Variants in CHL1 observed in about 807,000 individuals in gnomAD.
The protein encoded by CHL1 is neural cell adhesion molecule L1-like protein.
A neutral mutation model predicts 141.9 loss-of-function variants in CHL1; 96 were observed. The ratio of observed to expected loss-of-function variants is 0.68; its 90% CI spans 0.57 to 0.80. The LOEUF (loss-of-function observed/expected upper bound fraction) is 0.80, where lower values mean the gene tolerates loss of function less well. Among genes scored for constraint, CHL1 ranks in the 30% least tolerant of loss-of-function variants. The pLI, the probability that CHL1 is intolerant of heterozygous loss-of-function variation, is 0.00. For synonymous variants in CHL1, 613 were observed against 502.2 expected, an observed-to-expected ratio of 1.22 and a Z score of -2.95; for missense variants, 1,820 against 1,457.2, an observed-to-expected ratio of 1.25 and a Z score of -4.05.
chr3:380,113 C>A (rs1706852237), intron 16 of CHL1, among the ~76,000 whole-genome samples: 1 of 152,128 alleles, frequency 6.6e-6, no homozygotes, highest in African/African-American at 2.4e-5. Context: ...TTAGTTTATT[C>A]CAGGAAGCTT....
At chr3:393,058 C>T (rs1708368688) in intron 23 of CHL1, among the ~76,000 whole-genome samples, 1 of 151,870 alleles carries the variant, frequency 6.6e-6, no homozygotes, top group South Asian at 2.1e-4. Context: ...ACGGTGAAAC[C>T]CCGTCTCTAT....
chr3:249,643 C>T (rs1225454132), intron 2 of CHL1, among the ~76,000 whole-genome samples: 1 of 152,086 alleles, frequency 6.6e-6, no homozygotes, highest in South Asian at 2.1e-4. Flanking sequence ...ATTTGTAGCC[C>T]TTCAAATGCA....
At chr3:338,116 G>A (rs527657153) in intron 5 of CHL1, among the ~76,000 whole-genome samples, 7 of 152,122 alleles carry the variant, frequency 4.6e-5, no homozygotes, top group South Asian at 2.1e-4. Flanking sequence ...CGCCCACCTC[G>A]GCCTCCCAAA....
chr3:341,826 A>T (rs567173181), intron 6 of CHL1, 86 bp from the exon 7 acceptor site: 3 of 1,144,832 alleles, frequency 2.6e-6, no homozygotes, highest in African/African-American at 1.6e-5. Flanking sequence ...ACCAAATGAA[A>T]TAATAATGTA....
At chr3:242,368 G>A (rs193098643) in intron 1 of CHL1, among the ~76,000 whole-genome samples, 8,504 of 144,418 alleles carry the variant, frequency 0.059, 306 homozygotes, top group Middle Eastern at 0.068. Context: ...AGGCTGAGGG[G>A]GGCAGATCAC....
In CHL1 at chr3:196,923, G is replaced by C. The variant is rs1046459016; in HGVS notation, c.-315G>C. ...GGACAGCCCCGGGTGCGGACCAGCG[G>C]GCAGCGGCCGGCGAGACCCTCCCTG... On this transcript the variant is annotated 5_prime_UTR_variant, in exon 1 of 28. Coordinates refer to ENST00000256509, the MANE Select transcript of CHL1 (RefSeq NM_006614.4). 6.6e-6 allele frequency: 1 copy of C among 152,380 alleles called. No individual in the cohort carries two copies. Among genetic ancestry groups the C allele is most frequent in the African/African-American group, 2.4e-5 (1 of 41,462 alleles). The allele number at this position is 152,380 out of a possible 1,614,324, so 9.4% of individuals were successfully genotyped here.
chr3:236,121 T>C (rs566109629), intron 1 of CHL1, among the ~76,000 whole-genome samples: 1 of 152,276 alleles, frequency 6.6e-6, no homozygotes, highest in South Asian at 2.1e-4. Context: ...CAGCATTTGG[T>C]CTCAGGCCCT....
chr3:312,267 T>C (rs1266385390), intron 2 of CHL1, among the ~76,000 whole-genome samples: 2 of 152,220 alleles, frequency 1.3e-5, no homozygotes, highest in African/African-American at 4.8e-5. Context: ...GTACAAAATG[T>C]GCCAGCTCTG....
intron 5 of CHL1, among the ~76,000 whole-genome samples, chr3:334,087 G>T (rs981603079): frequency 2.6e-5 from 4 of 152,100 alleles, no homozygotes; most frequent in Non-Finnish European, 5.9e-5. Flanking sequence ...CTACCCAGTA[G>T]CTGGGACTAC....
At chr3:258,167 T>C (rs1235562938) in intron 2 of CHL1, among the ~76,000 whole-genome samples, 1 of 152,200 alleles carries the variant, frequency 6.6e-6, no homozygotes, top group Admixed American at 6.5e-5. Flanking sequence ...CCCATGGCTG[T>C]CTGTCCAGGC....
At chr3:305,824 TA>T (rs1699179667) in intron 2 of CHL1, among the ~76,000 whole-genome samples, 1 of 151,944 alleles carries the variant, frequency 6.6e-6, no homozygotes, top group Non-Finnish European at 1.5e-5. Context: ...CCTTTGCCAT[TA>T]TTTTCTGTTA....
At chr3:367,587 T>C (rs1366606328) in intron 15 of CHL1, among the ~76,000 whole-genome samples, 1 of 152,202 alleles carries the variant, frequency 6.6e-6, no homozygotes, top group African/African-American at 2.4e-5. Context: ...AACTGCACAG[T>C]CCATTTTTGC....
intron 2 of CHL1, among the ~76,000 whole-genome samples, chr3:265,477 G>T (rs1351253224): frequency 6.6e-6 from 1 of 152,192 alleles, no homozygotes; most frequent in Admixed American, 6.5e-5. Context: ...TAGTTTGCAA[G>T]TGAAAAACTG....
intron 1 of CHL1, among the ~76,000 whole-genome samples, chr3:216,174 A>G (rs1700302083): frequency 6.6e-6 from 1 of 152,212 alleles, no homozygotes. Flanking sequence ...AGTATTTTAA[A>G]GCTGATGTCT....
chr3:274,380 A>G (rs949284842), intron 2 of CHL1, among the ~76,000 whole-genome samples: 3 of 152,232 alleles, frequency 2.0e-5, no homozygotes, highest in South Asian at 2.1e-4. Flanking sequence ...TTTAATAGGA[A>G]TGTGTTTGCC....
chr3:259,314 G>C (rs1694483928), intron 2 of CHL1, among the ~76,000 whole-genome samples: 1 of 150,628 alleles, frequency 6.6e-6, no homozygotes, highest in Non-Finnish European at 1.5e-5. Context: ...TTGTGTGTGT[G>C]TGTGCATGCG....
chr3:313,946 A>G (rs1043530035), intron 2 of CHL1, among the ~76,000 whole-genome samples: 1 of 152,192 alleles, frequency 6.6e-6, no homozygotes, highest in African/African-American at 2.4e-5. Context: ...AGAAAGAAAA[A>G]GCAATGAGTT....
At chr3:332,863 G>A (rs1463311300) in intron 5 of CHL1, among the ~76,000 whole-genome samples, 2 of 152,106 alleles carry the variant, frequency 1.3e-5, no homozygotes, top group Admixed American at 6.6e-5. Context: ...TCATGAGGAT[G>A]ATTCCTAACC....
intron 1 of CHL1, chr3:197,573 C>T (rs1000715305): frequency 3.0e-6 from 1 of 338,840 alleles, no homozygotes; most frequent in East Asian, 7.7e-5. Context: ...TCAGACCCCC[C>T]CAGTCCACTG....
Sources: gnomAD v4.1 joint callset for allele counts (sites outside exome capture counted in the v4.1 genomes callset) on GRCh38, gnomAD v4.1.1 for gene constraint, MANE v1.5 for transcripts, NCBI Gene and HGNC (gene_info 2026-07-23, HGNC 2026-07-21) for gene names.